DLG1: variants seen among roughly 807,000 people sequenced by gnomAD.
DLG1 encodes the protein discs large MAGUK scaffold protein 1.
In DLG1, 42 loss-of-function variants were observed where a neutral mutation model predicts 123.4. The observed-to-expected ratio is 0.34, with a 90% CI of 0.27 to 0.44. The LOEUF (loss-of-function observed/expected upper bound fraction) is 0.44, where lower values mean the gene tolerates loss of function less well. Among genes scored for constraint, DLG1 ranks in the 20% least tolerant of loss-of-function variants. The probability of loss-of-function intolerance (pLI) is 1.00; values close to 1 mark genes in which losing one functional copy is unlikely to be tolerated. For synonymous variants in DLG1, 317 were observed against 356.2 expected, an observed-to-expected ratio of 0.89 and a Z score of 1.24; for missense variants, 942 against 1,082.6, an observed-to-expected ratio of 0.87 and a Z score of 1.82.
chr3:197,108,519 G>A (rs1767883270), intron 13 of DLG1, among the ~76,000 whole-genome samples: 1 of 152,122 alleles, frequency 6.6e-6, no homozygotes. Flanking sequence ...GTTAGTTTCA[G>A]TAGTTTATGT....
chr3:197,142,593 TA>T, intron 7 of DLG1, 124 bp downstream of exon 7: 1 of 619,494 alleles, frequency 1.6e-6, no homozygotes, highest in Non-Finnish European at 2.5e-6. Flanking sequence ...TGGCCAATTT[TA>T]TGAACTGGGA....
chr3:197,080,454 CTTTT>C (rs35708797), intron 17 of DLG1: 11 of 97,492 alleles, frequency 1.1e-4, no homozygotes, highest in East Asian at 3.6e-4. Flanking sequence ...AATTTTTTAC[CTTTT>C]TTTTTTTTTT....
chr3:197,074,591 A>G (rs1426835590), intron 18 of DLG1, among the ~76,000 whole-genome samples: 1 of 152,120 alleles, frequency 6.6e-6, no homozygotes, highest in Non-Finnish European at 1.5e-5. Context: ...TAGCATACAT[A>G]AACTGTGGTA....
chr3:197,147,876 T>TAAA (rs5855567), intron 6 of DLG1, among the ~76,000 whole-genome samples: 8 of 143,052 alleles, frequency 5.6e-5, no homozygotes, highest in African/African-American at 1.8e-4. Flanking sequence ...CCTTTAAAAT[T>TAAA]AAAAAAAAAA....
chr3:197,251,787 C>T (rs1297295173), intron 4 of DLG1, among the ~76,000 whole-genome samples: 1 of 152,016 alleles, frequency 6.6e-6, no homozygotes, highest in Non-Finnish European at 1.5e-5. Flanking sequence ...GATTAATAAC[C>T]AGGATATATT....
At chr3:197,289,278 AC>A (rs1773629902) in intron 3 of DLG1, among the ~76,000 whole-genome samples, 2 of 152,076 alleles carry the variant, frequency 1.3e-5, no homozygotes, top group African/African-American at 4.8e-5. Context: ...AAGGGAAATA[AC>A]TGTTTTACTT....
chr3:197,170,813 T>C (rs370018190), intron 5 of DLG1, among the ~76,000 whole-genome samples: 10 of 152,234 alleles, frequency 6.6e-5, no homozygotes, highest in Non-Finnish European at 1.3e-4. Context: ...CCTGTTCCTA[T>C]ATCCAGAATG....
chr3:197,084,704 T>C (rs968273614), intron 16 of DLG1, among the ~76,000 whole-genome samples: 22 of 151,764 alleles, frequency 1.4e-4, no homozygotes, highest in African/African-American at 5.3e-4. Context: ...AAAATCATTT[T>C]AGTAAAATAA....
At chr3:197,257,205 CTAATA>C (rs201632897) in intron 4 of DLG1, among the ~76,000 whole-genome samples, 1 of 148,958 alleles carries the variant, frequency 6.7e-6, no homozygotes, top group East Asian at 1.9e-4. Flanking sequence ...TGAAAGTACC[CTAATA>C]TAAATATGAA....
At chr3:197,103,303 G>T (rs1027732742) in intron 14 of DLG1, among the ~76,000 whole-genome samples, 3 of 152,056 alleles carry the variant, frequency 2.0e-5, no homozygotes, top group African/African-American at 7.2e-5. Flanking sequence ...GCTTTTGTGT[G>T]TTCTGTGTGT....
Position 197,194,581 on chromosome 3 carries a change from C to A in DLG1, c.327G>T (p.Arg109Ser). Residue 109 changes from arginine to serine, a missense_variant, in exon 5 of 25, where the codon AGG (arginine) becomes AGT (serine). Coordinates refer to ENST00000667157, the MANE Select transcript of DLG1 (RefSeq NM_001366207.1). The part of the protein sequence containing the change: ...SSLSPSVEKY[R>S]YQDEDTPPQE... ...GAGGAGGTGTATCTTCATCCTGATACCTGTATTTCTGTAAAGAAAATAAAC... is the reference window on the plus strand; with the variant it reads ...GAGGAGGTGTATCTTCATCCTGATAACTGTATTTCTGTAAAGAAAATAAAC... 6.3e-7 allele frequency: 1 copy of A among 1,581,038 alleles called. No individual in the cohort carries two copies.
chr3:197,052,055 G>A (rs1405552430), intron 23 of DLG1, among the ~76,000 whole-genome samples: 4 of 151,914 alleles, frequency 2.6e-5, no homozygotes, highest in African/African-American at 9.7e-5. Flanking sequence ...TGGGCAGGCT[G>A]GTCCCGAACT....
chr3:197,206,749 G>A (rs955244723), intron 4 of DLG1, among the ~76,000 whole-genome samples: 11 of 151,964 alleles, frequency 7.2e-5, no homozygotes, highest in African/African-American at 2.7e-4. Context: ...AAAAAAATTA[G>A]AAGGACAAGG....
At chr3:197,236,662 G>T (rs1223590497) in intron 4 of DLG1, among the ~76,000 whole-genome samples, 2 of 152,152 alleles carry the variant, frequency 1.3e-5, no homozygotes, top group East Asian at 3.9e-4. Flanking sequence ...CCTAAAGGGG[G>T]ACAGGGGAAA....
chr3:197,177,259 G>A (rs959301674), intron 5 of DLG1, among the ~76,000 whole-genome samples: 5 of 152,008 alleles, frequency 3.3e-5, no homozygotes, highest in South Asian at 4.1e-4. Flanking sequence ...GTACAACAGC[G>A]TTTCCATCCA....
At chr3:197,130,704 A>G (rs753726112) in intron 10 of DLG1, 33 bp from the exon 11 acceptor site, 2 of 1,518,376 alleles carry the variant, frequency 1.3e-6, no homozygotes, top group East Asian at 4.7e-5. Context: ...TTTATGACAT[A>G]TTCACTTGTT....
rs137874140 is a variant in DLG1, at chr3:197,147,927, C to G, written c.537+1816G>C. 9.8e-3 allele frequency among the ~76,000 whole-genome samples: 1,456 copies of G among 149,204 alleles called. 17 individuals are homozygous for G. Among genetic ancestry groups the G allele is most frequent in the African/African-American group, 0.023 (940 of 40,766 alleles). On this transcript the variant is annotated intron_variant, in intron 6 of 24. Coordinates refer to ENST00000667157, the MANE Select transcript of DLG1 (RefSeq NM_001366207.1). ...TCCAGAGGTAAACTATCTCTATTTG[C>G]CAGTGACATGATCTTGTATATAGAA...
intron 4 of DLG1, among the ~76,000 whole-genome samples, chr3:197,257,870 C>T (rs1041732520): frequency 3.3e-5 from 5 of 152,120 alleles, no homozygotes; most frequent in Admixed American, 6.6e-5. Context: ...ACAGTGATTA[C>T]GAGCCTGACA....
chr3:197,175,967 T>C (rs192669128), intron 5 of DLG1, among the ~76,000 whole-genome samples: 9 of 152,270 alleles, frequency 5.9e-5, no homozygotes, highest in African/African-American at 2.2e-4. Flanking sequence ...TTAAAACTTC[T>C]CTGAATATAT....
Sources: gnomAD v4.1 joint callset for allele counts (sites outside exome capture counted in the v4.1 genomes callset) on GRCh38, gnomAD v4.1.1 for gene constraint, MANE v1.5 for transcripts, NCBI Gene and HGNC (gene_info 2026-07-23, HGNC 2026-07-21) for gene names.